Variants in ANKRD6 observed in about 807,000 individuals in gnomAD.
ANKRD6 encodes ankyrin repeat domain-containing protein 6.
A neutral mutation model predicts 82.3 loss-of-function variants in ANKRD6; 56 were observed. That is an observed-to-expected ratio of 0.68 (90% CI 0.55 to 0.85). The LOEUF is 0.85. Among genes scored for constraint, ANKRD6 ranks in the 40% least tolerant of loss-of-function variants. ANKRD6 has a pLI of 0.00. For missense variants in ANKRD6, 852 were observed against 907.6 expected, an observed-to-expected ratio of 0.94 and a Z score of 0.79; for synonymous variants, 347 against 352.1, an observed-to-expected ratio of 0.99 and a Z score of 0.16.
At chr6:89,515,317 C>T (rs1301152147) in intron 1 of ANKRD6, among the ~76,000 whole-genome samples, 1 of 152,338 alleles carries the variant, frequency 6.6e-6, no homozygotes, top group East Asian at 1.9e-4. Context: ...TGCAAATCAG[C>T]AAATGCCACA....
At chr6:89,482,090 A>G (rs977197063) in intron 1 of ANKRD6, among the ~76,000 whole-genome samples, 1 of 151,892 alleles carries the variant, frequency 6.6e-6, no homozygotes, top group African/African-American at 2.4e-5. Context: ...CTTCCTAGGA[A>G]CTCCTTCCCC....
chr6:89,544,952 G>A (rs538574558), intron 1 of ANKRD6, among the ~76,000 whole-genome samples: 4 of 152,018 alleles, frequency 2.6e-5, no homozygotes, highest in East Asian at 2.0e-4. Flanking sequence ...GGTGGCTCAC[G>A]CCTGTAATCC....
chr6:89,617,682 C>T (rs1374662127), intron 8 of ANKRD6, among the ~76,000 whole-genome samples: 16 of 152,234 alleles, frequency 1.1e-4, no homozygotes, highest in South Asian at 4.1e-4. Flanking sequence ...GCCTTGGCCT[C>T]CTAAAGCACT....
intron 1 of ANKRD6, among the ~76,000 whole-genome samples, chr6:89,459,855 T>C (rs1773915844): frequency 6.6e-6 from 1 of 152,094 alleles, no homozygotes; most frequent in African/African-American, 2.4e-5. Context: ...CGTATCAGGC[T>C]CTATCTTCTT....
chr6:89,527,471 G>A (rs999903648), intron 1 of ANKRD6, among the ~76,000 whole-genome samples: 3 of 151,776 alleles, frequency 2.0e-5, no homozygotes, highest in Non-Finnish European at 4.4e-5. Context: ...CTGGGTACCT[G>A]TAATCCCAGC....
At chr6:89,527,836 G>T (rs1782691794) in intron 1 of ANKRD6, among the ~76,000 whole-genome samples, 1 of 152,004 alleles carries the variant, frequency 6.6e-6, no homozygotes, top group Non-Finnish European at 1.5e-5. Flanking sequence ...TTTTGACAGA[G>T]TCTTGCTCTG....
At chr6:89,616,894 C>T (rs1194545403) in intron 8 of ANKRD6, 5 of 648,758 alleles carry the variant, frequency 7.7e-6, no homozygotes, top group South Asian at 7.5e-5. Flanking sequence ...GCAGTGAACA[C>T]AACCTGGCAT....
At chr6:89,514,069 C>T (rs1247453293) in intron 1 of ANKRD6, among the ~76,000 whole-genome samples, 5 of 152,146 alleles carry the variant, frequency 3.3e-5, no homozygotes, top group East Asian at 1.9e-4. Flanking sequence ...AACACAAAGT[C>T]GTAAGCTTTC....
At chr6:89,623,832 G>T (rs1329395364) in intron 11 of ANKRD6, 40 bp from the exon 12 acceptor site, 3 of 1,581,378 alleles carry the variant, frequency 1.9e-6, no homozygotes, top group Admixed American at 3.5e-5. Context: ...TCTTGCAGAG[G>T]TCAAAGCGTT....
chr6:89,481,367 G>A (rs1383565350), intron 1 of ANKRD6, among the ~76,000 whole-genome samples: 5 of 152,090 alleles, frequency 3.3e-5, no homozygotes, highest in African/African-American at 1.2e-4. Context: ...CCAACATGAC[G>A]CTCAAAGGAA....
intron 1 of ANKRD6, among the ~76,000 whole-genome samples, chr6:89,467,220 T>C (rs147815481): frequency 2.3e-4 from 35 of 151,192 alleles, no homozygotes; most frequent in African/African-American, 8.6e-4. Context: ...CTTTGTTAAA[T>C]TAAGGTTGGT....
intron 11 of ANKRD6, 69 bp from the exon 12 acceptor site, chr6:89,623,803 C>A: frequency 1.3e-6 from 2 of 1,490,536 alleles, no homozygotes; most frequent in South Asian, 1.3e-5. Context: ...GTGACATGGG[C>A]GCCACCGACT....
intron 2 of ANKRD6, among the ~76,000 whole-genome samples, chr6:89,578,241 G>A (rs1258093134): frequency 1.3e-5 from 2 of 150,884 alleles, no homozygotes; most frequent in Non-Finnish European, 2.9e-5. Flanking sequence ...GTTAACATTG[G>A]CTGCCTAGCA....
chr6:89,568,570 C>G (rs2128078525), intron 2 of ANKRD6, among the ~76,000 whole-genome samples: 1 of 152,244 alleles, frequency 6.6e-6, no homozygotes, highest in South Asian at 2.1e-4. Context: ...TCGTTTTTTT[C>G]AACCCTAATC....
At chr6:89,580,345 G>C (rs1792224929) in intron 2 of ANKRD6, among the ~76,000 whole-genome samples, 1 of 151,968 alleles carries the variant, frequency 6.6e-6, no homozygotes, top group Non-Finnish European at 1.5e-5. Context: ...CCCCATGCTG[G>C]TAACTACTGT....
intron 2 of ANKRD6, among the ~76,000 whole-genome samples, chr6:89,569,430 A>C (rs557198341): frequency 6.6e-6 from 1 of 152,106 alleles, no homozygotes; most frequent in Non-Finnish European, 1.5e-5. Context: ...TCAGTACTTC[A>C]TTCCTTTTCA....
intron 1 of ANKRD6, among the ~76,000 whole-genome samples, chr6:89,452,630 T>C (rs1398647795): frequency 1.3e-5 from 2 of 152,232 alleles, no homozygotes; most frequent in East Asian, 3.8e-4. Context: ...ATAAATTTTT[T>C]TGAAGCCAGT....
At chr6:89,553,228 A>G (rs1196969073) in intron 1 of ANKRD6, among the ~76,000 whole-genome samples, 1 of 152,212 alleles carries the variant, frequency 6.6e-6, no homozygotes, top group Non-Finnish European at 1.5e-5. Context: ...GACTCCTGGA[A>G]TGAAAACCAG....
At chr6:89,472,220 C>T (rs796946574) in intron 1 of ANKRD6, among the ~76,000 whole-genome samples, 22 of 152,224 alleles carry the variant, frequency 1.4e-4, no homozygotes, top group African/African-American at 5.3e-4. Context: ...GTAATGACCT[C>T]ATCTTAATTT....
Sources: gnomAD v4.1 joint callset for allele counts (sites outside exome capture counted in the v4.1 genomes callset) on GRCh38, gnomAD v4.1.1 for gene constraint, MANE v1.5 for transcripts, NCBI Gene and HGNC (gene_info 2026-07-23, HGNC 2026-07-21) for gene names.